Variants in NAV3 observed in about 807,000 individuals in gnomAD.
NAV3 encodes pore membrane and/or filament interacting like protein 1.
NAV3 carries 87 observed loss-of-function variants against 244.7 expected under a neutral mutation model. The ratio of observed to expected loss-of-function variants is 0.36; its 90% CI spans 0.30 to 0.42. The LOEUF (loss-of-function observed/expected upper bound fraction) is 0.42. Ranked by LOEUF, NAV3 falls within the 20% of genes least tolerant of loss-of-function variation. The probability of loss-of-function intolerance (pLI) is 1.00; values close to 1 mark genes in which losing one functional copy is unlikely to be tolerated. For missense variants in NAV3, 2,663 were observed against 2,893.3 expected (o/e 0.92, Z 1.83); for synonymous variants, 1,126 against 1,042.2 (o/e 1.08, Z -1.55).
At chr12:77,690,227 G>A (rs985946874) in intron 2 of NAV3, among the ~76,000 whole-genome samples, 3 of 151,736 alleles carry the variant, frequency 2.0e-5, no homozygotes, top group Non-Finnish European at 4.4e-5. Flanking sequence ...TGATGCATAT[G>A]GTTCCTACAA....
At chr12:77,838,020 G>C (rs115841694) in intron 1 of NAV3, among the ~76,000 whole-genome samples, 1 of 152,326 alleles carries the variant, frequency 6.6e-6, no homozygotes, top group African/African-American at 2.4e-5. Flanking sequence ...TCACATGGTA[G>C]CATTTCCAGA....
At chr12:78,192,048 C>T (rs1324884748) in intron 34 of NAV3, among the ~76,000 whole-genome samples, 1 of 151,978 alleles carries the variant, frequency 6.6e-6, no homozygotes, top group Non-Finnish European at 1.5e-5. Flanking sequence ...ATAGGTAATT[C>T]CCATTAATTT....
chr12:78,112,282 C>T (rs1955135034), intron 12 of NAV3, among the ~76,000 whole-genome samples: 1 of 152,182 alleles, frequency 6.6e-6, no homozygotes, highest in Admixed American at 6.5e-5. Flanking sequence ...GATAGATAGT[C>T]CCTGTGCTGC....
At chr12:77,660,407 C>T (rs144877196) in intron 2 of NAV3, among the ~76,000 whole-genome samples, 21 of 152,200 alleles carry the variant, frequency 1.4e-4, no homozygotes, top group South Asian at 6.2e-4. Context: ...GCAAAGAAAT[C>T]GGGAGATTCA....
At chr12:77,816,055 A>G (rs763478563) in intron 2 of NAV3, among the ~76,000 whole-genome samples, 2 of 152,196 alleles carry the variant, frequency 1.3e-5, no homozygotes, top group Non-Finnish European at 2.9e-5. Flanking sequence ...TTTCAAAGGC[A>G]GGAAGAAGCC....
chr12:77,662,549 T>C lies in NAV3; in HGVS notation c.72+90283T>C, dbSNP rs573600801. 2.0e-5 allele frequency among the ~76,000 whole-genome samples: 3 copies of C among 152,248 alleles called. No homozygotes were observed. In the East Asian group the frequency reaches 5.8e-4, roughly 29 times the overall value. ...ATTCTCCCAGAAACAGACTATATGCTACTGGGAAACAGATACCTGTGCCTA... is the reference window on the plus strand; with the variant it reads ...ATTCTCCCAGAAACAGACTATATGCCACTGGGAAACAGATACCTGTGCCTA... On this transcript the variant is annotated intron_variant, in intron 2 of 8. Transcript: ENST00000550042.
chr12:77,947,918 G>T (rs1244820206), intron 3 of NAV3, among the ~76,000 whole-genome samples: 1 of 151,954 alleles, frequency 6.6e-6, no homozygotes, highest in Non-Finnish European at 1.5e-5. Context: ...AGTGTGTTTT[G>T]TTAAAAGAAC....
chr12:77,630,440 G>C (rs1006248071), intron 2 of NAV3, among the ~76,000 whole-genome samples: 1 of 152,100 alleles, frequency 6.6e-6, no homozygotes, highest in Non-Finnish European at 1.5e-5. Context: ...AGTTTCCTGG[G>C]TTTAATCTGC....
intron 1 of NAV3, among the ~76,000 whole-genome samples, chr12:77,916,272 G>A (rs1202550121): frequency 6.6e-6 from 1 of 151,994 alleles, no homozygotes; most frequent in Non-Finnish European, 1.5e-5. Flanking sequence ...GAAAGACATT[G>A]GAAAATATGG....
chr12:78,111,224 G>C (rs901929703), intron 12 of NAV3, among the ~76,000 whole-genome samples: 1 of 152,028 alleles, frequency 6.6e-6, no homozygotes, highest in South Asian at 2.1e-4. Context: ...CACTATATAC[G>C]TGTAAAATTA....
At chr12:77,632,368 G>A (rs1283967145) in intron 2 of NAV3, among the ~76,000 whole-genome samples, 2 of 152,146 alleles carry the variant, frequency 1.3e-5, no homozygotes, top group Non-Finnish European at 2.9e-5. Context: ...AGAGTTCCAC[G>A]TGGCTGGGAA....
intron 2 of NAV3, among the ~76,000 whole-genome samples, chr12:77,805,378 G>C (rs554615613): frequency 3.9e-5 from 6 of 152,244 alleles, no homozygotes; most frequent in Admixed American, 1.3e-4. Flanking sequence ...TAGCATGAAG[G>C]AGTGTTGAAT....
At chr12:77,842,782 A>G (rs1308030567) in intron 1 of NAV3, among the ~76,000 whole-genome samples, 3 of 152,108 alleles carry the variant, frequency 2.0e-5, no homozygotes, top group Non-Finnish European at 4.4e-5. Context: ...AGAATATTAC[A>G]CCGAACAATC....
At position 78,127,221 on chromosome 12, in the gene NAV3, C is replaced by T; in HGVS notation, c.4280+13C>T. 2 of 1,611,820 alleles carry T rather than the reference C, an allele frequency of 1.2e-6. No homozygotes were observed. Among genetic ancestry groups the T allele is most frequent in the Non-Finnish European group, 8.5e-7 (1 of 1,178,332 alleles). On this transcript the variant is annotated intron_variant, in intron 17 of 39. Transcript: ENST00000397909. ...AAAAGGGACTAAGGTATATATTCCT[C>T]TCAGCACAATTGCTACCTCTCTGTT...
intron 2 of NAV3, among the ~76,000 whole-genome samples, chr12:77,727,589 G>A (rs144017211): frequency 6.6e-6 from 1 of 152,076 alleles, no homozygotes; most frequent in East Asian, 1.9e-4. Flanking sequence ...AATAACATGG[G>A]CAATGGCCAA....
At chr12:77,763,588 T>C (rs1869597978) in intron 2 of NAV3, among the ~76,000 whole-genome samples, 1 of 152,210 alleles carries the variant, frequency 6.6e-6, no homozygotes, top group Non-Finnish European at 1.5e-5. Flanking sequence ...TCATCCTCTG[T>C]CCAACCTGAA....
intron 5 of NAV3, among the ~76,000 whole-genome samples, chr12:77,990,486 G>C (rs539384522): frequency 6.6e-6 from 1 of 152,174 alleles, no homozygotes; most frequent in African/African-American, 2.4e-5. Context: ...CTGATGGTCA[G>C]TTTCCTGAGA....
At chr12:77,929,225 T>A (rs774948958) in intron 1 of NAV3, among the ~76,000 whole-genome samples, 8 of 152,230 alleles carry the variant, frequency 5.3e-5, no homozygotes, top group Non-Finnish European at 1.2e-4. Flanking sequence ...TTGTATTCTT[T>A]GCAACTAAAA....
chr12:78,205,116 C>T lies in NAV3; in HGVS notation c.7016C>T (p.Thr2339Ile). 1 of 1,613,346 alleles carries T rather than the reference C, an allele frequency of 6.2e-7. No homozygotes were observed. Among genetic ancestry groups the T allele is most frequent in the Non-Finnish European group, 8.5e-7 (1 of 1,179,656 alleles). The change falls in exon 39 of 40, where the codon ACT becomes ATT. Residue 2339 changes from threonine (T) to isoleucine (I), a missense_variant. This residue lies in a region of NAV3 where 543 missense variants were observed against 672.4 expected (regional missense o/e 0.81). Transcript: ENST00000397909. ...ACAACCTCAAAGCACATTCCGCAAA[C>T]TGACACAGAAGGAGATCCCCTGGTA... ...EATTSKHIPQ[T>I]DTEGDPLMNM... is the part of the protein sequence containing the mutation.
Sources: gnomAD v4.1 joint callset for allele counts (sites outside exome capture counted in the v4.1 genomes callset) on GRCh38, gnomAD v4.1.1 for gene constraint, gnomAD v4.1.1 regional missense constraint, MANE v1.5 for transcripts, NCBI Gene and HGNC (gene_info 2026-07-23, HGNC 2026-07-21) for gene names.